Variants in DLGAP1 observed in about 807,000 individuals in gnomAD.
DLGAP1 encodes disks large-associated protein 1.
In DLGAP1, 11 loss-of-function variants were observed where a neutral mutation model predicts 90.8. The observed-to-expected ratio is 0.12, with a 90% CI of 0.08 to 0.20. The LOEUF is 0.20. DLGAP1 is among the 10% of genes least tolerant of loss of function. The probability of loss-of-function intolerance (pLI) is 1.00; values close to 1 mark genes in which losing one functional copy is unlikely to be tolerated. For missense variants in DLGAP1, 1,050 were observed against 1,333.8 expected (o/e 0.79, Z 3.31); for synonymous variants, 558 against 540.7 (o/e 1.03, Z -0.44).
chr18:3,966,081 C>T (rs1490119108), intron 3 of DLGAP1, among the ~76,000 whole-genome samples: 2 of 151,800 alleles, frequency 1.3e-5, no homozygotes, highest in East Asian at 3.9e-4. Context: ...TAATAAGTGC[C>T]CTGAAAAAAA....
At chr18:3,979,121 T>C (rs11663890) in intron 3 of DLGAP1, among the ~76,000 whole-genome samples, 6,112 of 152,272 alleles carry the variant, frequency 0.04, 219 homozygotes, top group African/African-American at 0.098. Flanking sequence ...CTAAATGAAA[T>C]AAGCCACGCA....
At chr18:3,643,084 CCCAATAGA>C (rs1293567049) in intron 7 of DLGAP1, among the ~76,000 whole-genome samples, 2 of 152,110 alleles carry the variant, frequency 1.3e-5, no homozygotes, top group Non-Finnish European at 2.9e-5. Context: ...GGTACAATCA[CCCAATAGA>C]CTACCATGCA....
chr18:4,352,898 C>A (rs2081430745), intron 1 of DLGAP1, among the ~76,000 whole-genome samples: 1 of 152,158 alleles, frequency 6.6e-6, no homozygotes. Context: ...TTGTGGAGCA[C>A]TGAGCACGTT....
chr18:3,951,338 T>A (rs2072980945), intron 3 of DLGAP1, among the ~76,000 whole-genome samples: 1 of 152,266 alleles, frequency 6.6e-6, no homozygotes, highest in Non-Finnish European at 1.5e-5. Flanking sequence ...GTTCATATCT[T>A]CTAATTCTTA....
At chr18:3,926,423 C>T (rs568785471) in intron 3 of DLGAP1, among the ~76,000 whole-genome samples, 1,758 of 136,122 alleles carry the variant, frequency 0.013, 38 homozygotes, top group African/African-American at 0.047. Context: ...TATATATATA[C>T]ACACACACAC....
intron 1 of DLGAP1, among the ~76,000 whole-genome samples, chr18:4,372,754 C>T (rs1401461950): frequency 1.3e-5 from 2 of 151,906 alleles, no homozygotes; most frequent in African/African-American, 4.8e-5. Flanking sequence ...TGGTGAAACC[C>T]CATCTCTACT....
At chr18:3,555,462 T>G (rs1645550973) in intron 9 of DLGAP1, among the ~76,000 whole-genome samples, 1 of 152,142 alleles carries the variant, frequency 6.6e-6, no homozygotes, top group African/African-American at 2.4e-5. Flanking sequence ...GTATAAAGTT[T>G]TTTAGGTTGC....
intron 8 of DLGAP1, among the ~76,000 whole-genome samples, chr18:3,572,748 C>T (rs2054888234): frequency 6.6e-6 from 1 of 152,098 alleles, no homozygotes; most frequent in Non-Finnish European, 1.5e-5. Context: ...CTACACCCGG[C>T]CTTTAGTTTG....
At chr18:3,698,630 C>T (rs562846828) in intron 7 of DLGAP1, among the ~76,000 whole-genome samples, 1 of 152,046 alleles carries the variant, frequency 6.6e-6, no homozygotes, top group African/African-American at 2.4e-5. Context: ...TGGGGTTGCT[C>T]TTCTTGAGGA....
chr18:4,356,306 T>C (rs1397752152), intron 1 of DLGAP1, among the ~76,000 whole-genome samples: 2 of 152,090 alleles, frequency 1.3e-5, no homozygotes, highest in Non-Finnish European at 2.9e-5. Context: ...CTCCCTATTT[T>C]ATACCTCTAG....
intron 7 of DLGAP1, among the ~76,000 whole-genome samples, chr18:3,657,367 AG>A (rs34537567): frequency 0.18 from 27,774 of 152,020 alleles, 6,169 homozygotes; most frequent in African/African-American, 0.53. Flanking sequence ...TTTCTGGAAA[AG>A]CTGCTTTTAA....
At chr18:3,837,880 A>AAAAAAAAAT (rs1297670010) in intron 4 of DLGAP1, among the ~76,000 whole-genome samples, 1 of 142,832 alleles carries the variant, frequency 7.0e-6, no homozygotes, top group East Asian at 2.1e-4. Flanking sequence ...AAAAAAAAAA[A>AAAAAAAAAT]AGTCAGGGAC....
intron 1 of DLGAP1, among the ~76,000 whole-genome samples, chr18:4,152,297 G>A (rs1001251300): frequency 2.0e-5 from 3 of 152,146 alleles, no homozygotes; most frequent in African/African-American, 7.2e-5. Flanking sequence ...AAGCAGAAAT[G>A]TAGTGATATT....
At chr18:3,998,011 A>G (rs1418052777) in intron 3 of DLGAP1, among the ~76,000 whole-genome samples, 1 of 152,150 alleles carries the variant, frequency 6.6e-6, no homozygotes, top group Non-Finnish European at 1.5e-5. Flanking sequence ...TTTGGCCAAA[A>G]TACCCCACAG....
chr18:3,802,218 T>C (rs978297380), intron 5 of DLGAP1, among the ~76,000 whole-genome samples: 1 of 151,076 alleles, frequency 6.6e-6, no homozygotes, highest in South Asian at 2.1e-4. Context: ...CTCCTGACTT[T>C]GTGATCCGCC....
intron 7 of DLGAP1, among the ~76,000 whole-genome samples, chr18:3,625,210 G>A (rs1344816379): frequency 6.6e-6 from 1 of 152,154 alleles, no homozygotes; most frequent in East Asian, 1.9e-4. Context: ...CAAATTCTAT[G>A]ACTATTTGGA....
chr18:4,010,169 A>T (rs2074388130), intron 2 of DLGAP1, among the ~76,000 whole-genome samples: 1 of 152,212 alleles, frequency 6.6e-6, no homozygotes, highest in South Asian at 2.1e-4. Context: ...TCTTAATCTG[A>T]TGTTACTTTG....
intron 1 of DLGAP1, among the ~76,000 whole-genome samples, chr18:4,391,108 T>C (rs1294853707): frequency 6.6e-6 from 1 of 152,184 alleles, no homozygotes; most frequent in Non-Finnish European, 1.5e-5. Context: ...AAACATAATC[T>C]CCCAGAAGAG....
At chr18:4,389,233 T>C (rs2082293592) in intron 1 of DLGAP1, among the ~76,000 whole-genome samples, 1 of 152,200 alleles carries the variant, frequency 6.6e-6, no homozygotes, top group Middle Eastern at 3.2e-3. Flanking sequence ...CTTGAGAACA[T>C]TATACTAAGT....
Sources: gnomAD v4.1 joint callset for allele counts (sites outside exome capture counted in the v4.1 genomes callset) on GRCh38, gnomAD v4.1.1 for gene constraint, MANE v1.5 for transcripts, NCBI Gene and HGNC (gene_info 2026-07-23, HGNC 2026-07-21) for gene names.